Variants in FAAH2 observed in about 807,000 individuals in gnomAD.
The protein encoded by FAAH2 is fatty-acid amide hydrolase 2.
Under a neutral mutation model 36.9 loss-of-function variants are expected in FAAH2, and 60 were observed. That is an observed-to-expected ratio of 1.63 (90% CI 1.32 to 2.02). FAAH2 has a LOEUF of 2.02. Ranked by LOEUF, FAAH2 falls within the 30% of genes most tolerant of loss-of-function variation. FAAH2 has a pLI of 0.00. For missense variants in FAAH2, 689 were observed against 397.5 expected (o/e 1.73, Z -6.23); for synonymous variants, 214 against 143.8 (o/e 1.49, Z -3.49).
chrX:57,436,032 C>A (rs192528539), intron 8 of FAAH2, among the ~76,000 whole-genome samples: 1 of 110,926 alleles, frequency 9.0e-6, no homozygotes, highest in Non-Finnish European at 1.9e-5. Context: ...TCAGACCACG[C>A]TTGAATAAAA....
Position 57,405,778 on chromosome X carries a change from T to A in FAAH2, c.996+24749T>A, listed in dbSNP as rs905377141. Among the ~76,000 whole-genome samples the A allele has an allele frequency of 3.2e-4, 32 of 101,137 alleles. 1 individual carries two copies. The highest frequency in any genetic ancestry group is 1.1e-4 in the Admixed American group (1 of 8,946). 87.8% of individuals were successfully genotyped at this position (101,137 alleles called of 115,157 possible). A position where few individuals can be genotyped will look rare whatever the true frequency, so the allele number is the denominator to read the frequency against. On this transcript the variant is annotated intron_variant, in intron 7 of 10. Transcript: ENST00000374900. ...TGTCATTAAAGTTTTCAACTGTATT[T>A]TGTAATTCATTTAGTGACTTTTTAA...
intron 3 of FAAH2, among the ~76,000 whole-genome samples, chrX:57,316,502 C>T (rs1428221866): frequency 4.5e-5 from 5 of 111,768 alleles, no homozygotes; most frequent in Non-Finnish European, 9.4e-5. Context: ...ACCAAAACAG[C>T]ATGGTGCTGG....
chrX:57,201,045 G>A, the FAAH2 span, among the ~76,000 whole-genome samples: 1 of 94,920 alleles, frequency 1.1e-5, no homozygotes, highest in Admixed American at 1.2e-4. Context: ...TGCTATGCTA[G>A]GGTAAAAGTT....
At chrX:57,323,878 C>T (rs1034190352) in intron 3 of FAAH2, among the ~76,000 whole-genome samples, 9 of 110,795 alleles carry the variant, frequency 8.1e-5, no homozygotes, top group Non-Finnish European at 1.7e-4. Context: ...GCTTTTGCTG[C>T]CATTGCTTTT....
chrX:57,252,164 G>A, the FAAH2 span, among the ~76,000 whole-genome samples: 1 of 112,570 alleles, frequency 8.9e-6, no homozygotes, highest in Non-Finnish European at 1.9e-5. Context: ...GTTTGGCAGG[G>A]GGAGGGGCGT....
At chrX:57,442,557 C>T (rs942526950) in intron 8 of FAAH2, among the ~76,000 whole-genome samples, 5 of 111,908 alleles carry the variant, frequency 4.5e-5, no homozygotes, top group African/African-American at 1.6e-4. Context: ...TCTTGACTCT[C>T]TGTCCAATTT....
chrX:57,291,701 G>A (rs2051989367), intron 1 of FAAH2, among the ~76,000 whole-genome samples: 1 of 108,949 alleles, frequency 9.2e-6, no homozygotes, highest in African/African-American at 3.3e-5. Flanking sequence ...CATTACTTGG[G>A]GGTTCTGTTT....
intron 7 of FAAH2, among the ~76,000 whole-genome samples, chrX:57,413,520 G>C (rs1407687578): frequency 9.0e-6 from 1 of 111,525 alleles, no homozygotes; most frequent in Non-Finnish European, 1.9e-5. Context: ...TCGAAGATCA[G>C]ATGGTTGTAG....
chrX:57,488,668 T>A, intron 10 of FAAH2, 89 bp from the exon 11 acceptor site: 1 of 870,016 alleles, frequency 1.1e-6, no homozygotes, highest in Non-Finnish European at 1.6e-6. Context: ...TTATATATTT[T>A]CACCTATTTA....
chrX:57,463,471 A>T (rs773523155), intron 10 of FAAH2, among the ~76,000 whole-genome samples: 1 of 111,523 alleles, frequency 9.0e-6, no homozygotes, highest in South Asian at 3.8e-4. Flanking sequence ...ATATAGACCA[A>T]TAGAACAGAA....
chrX:57,327,548 C>T (rs963925148), intron 3 of FAAH2, among the ~76,000 whole-genome samples: 1 of 109,976 alleles, frequency 9.1e-6, no homozygotes, highest in Admixed American at 9.7e-5. Flanking sequence ...CTTTTTATTC[C>T]TTTTTCTCTA....
chrX:57,215,137 A>T, the FAAH2 span, among the ~76,000 whole-genome samples: 34 of 109,126 alleles, frequency 3.1e-4, no homozygotes, highest in East Asian at 9.1e-3. Flanking sequence ...AAACACCACC[A>T]TCAAAAAGTG....
the FAAH2 span, among the ~76,000 whole-genome samples, chrX:57,152,816 G>C: frequency 3.5e-3 from 385 of 111,064 alleles, no homozygotes; most frequent in Middle Eastern, 9.2e-3. Context: ...AGATGAACCC[G>C]GTACCTCAGA....
At chrX:57,233,196 T>C in the FAAH2 span, among the ~76,000 whole-genome samples, 7 of 111,724 alleles carry the variant, frequency 6.3e-5, no homozygotes, top group Non-Finnish European at 1.3e-4. Context: ...TCATTTTGTG[T>C]CATTGTTCCC....
chrX:57,440,673 T>G (rs1388509171), intron 8 of FAAH2, among the ~76,000 whole-genome samples: 1 of 111,942 alleles, frequency 8.9e-6, no homozygotes, highest in Non-Finnish European at 1.9e-5. Context: ...CATCCCTGTC[T>G]TGTGCCAGTT....
At chrX:57,158,449 T>G in the FAAH2 span, among the ~76,000 whole-genome samples, 33 of 112,111 alleles carry the variant, frequency 2.9e-4, no homozygotes, top group Non-Finnish European at 4.9e-4. Context: ...GTTGGACTAG[T>G]TTACAATCCC....
chrX:57,137,353 A>G, the FAAH2 span: 69 of 756,256 alleles, frequency 9.1e-5, no homozygotes, highest in Middle Eastern at 7.4e-4. Context: ...GGTAGGATCC[A>G]TAGATGAGGA....
At chrX:57,366,954 C>T (rs1391877470) in intron 5 of FAAH2, among the ~76,000 whole-genome samples, 1 of 112,144 alleles carries the variant, frequency 8.9e-6, no homozygotes, top group African/African-American at 3.2e-5. Flanking sequence ...GCAGTCATTT[C>T]TACACAAAAC....
the FAAH2 span, among the ~76,000 whole-genome samples, chrX:57,220,892 G>A: frequency 1.3e-4 from 14 of 111,742 alleles, no homozygotes; most frequent in East Asian, 2.8e-4. Flanking sequence ...ATATCTCATC[G>A]GCCTTGCCAC....
Sources: allele counts gnomAD v4.1 joint callset (sites outside exome capture counted in the v4.1 genomes callset), GRCh38; gene constraint gnomAD v4.1.1; transcripts MANE v1.5; gene names NCBI Gene and HGNC (gene_info 2026-07-23, HGNC 2026-07-21).